STS: variants seen among roughly 807,000 people sequenced by gnomAD.
The protein encoded by STS is steroid sulfatase, also known as steryl-sulfatase.
A neutral mutation model predicts 26.8 loss-of-function variants in STS; 7 were observed. That is an observed-to-expected ratio of 0.26 (90% CI 0.15 to 0.49). STS has a LOEUF of 0.49. Ranked by LOEUF, STS falls within the 20% of genes least tolerant of loss-of-function variation. The pLI, the probability that STS is intolerant of heterozygous loss-of-function variation, is 0.98. For missense variants in STS, 434 were observed against 465.6 expected, an observed-to-expected ratio of 0.93 and a Z score of 0.63; for synonymous variants, 199 against 189.4, an observed-to-expected ratio of 1.05 and a Z score of -0.42.
At chrX:7,203,672 TC>T (rs1313216489) in intron 2 of STS, among the ~76,000 whole-genome samples, 3 of 111,858 alleles carry the variant, frequency 2.7e-5, no homozygotes, top group African/African-American at 9.8e-5. Context: ...GTAGTTCTGC[TC>T]CCTGCAAACT....
intron 8 of STS, among the ~76,000 whole-genome samples, chrX:7,306,123 C>T (rs890041852): frequency 1.5e-4 from 17 of 111,440 alleles, no homozygotes; most frequent in Non-Finnish European, 2.6e-4. Context: ...ATAGTGTATG[C>T]TCTGCCAATA....
At chrX:7,194,214 C>A (rs1299176665) in intron 2 of STS, among the ~76,000 whole-genome samples, 1 of 110,857 alleles carries the variant, frequency 9.0e-6, no homozygotes, top group Non-Finnish European at 1.9e-5. Flanking sequence ...TTGGCACCAT[C>A]AGCAAAGAAA....
intron 8 of STS, among the ~76,000 whole-genome samples, chrX:7,321,647 G>A (rs1927038134): frequency 8.9e-6 from 1 of 112,112 alleles, no homozygotes; most frequent in Admixed American, 9.4e-5. Flanking sequence ...TTTATTTCCA[G>A]TTGACTCACA....
chrX:7,252,837 G>A (rs1367498556), intron 2 of STS, among the ~76,000 whole-genome samples: 4 of 111,595 alleles, frequency 3.6e-5, no homozygotes, highest in Non-Finnish European at 5.6e-5. Context: ...GTTTTGAAAG[G>A]TTTCTGTGTT....
At chrX:7,248,513 T>C (rs1391302423) in intron 2 of STS, among the ~76,000 whole-genome samples, 1 of 111,999 alleles carries the variant, frequency 8.9e-6, no homozygotes, top group African/African-American at 3.2e-5. Flanking sequence ...ATGGTTGAGC[T>C]CCAAATCAAG....
rs1933334857 is a variant in STS, at chrX:7,165,655, A to G, written c.-134+17572A>G. On this transcript the variant is annotated intron_variant, in intron 1 of 10. Transcript: ENST00000674429. Reference sequence around the variant, plus strand: ...GTGAGATCCTGTCTCTAAAAATAAAATAATAATAAAATAAAAATAGTAATG... The same window carrying G: ...GTGAGATCCTGTCTCTAAAAATAAAGTAATAATAAAATAAAAATAGTAATG... Among the ~76,000 whole-genome samples, 5 of 111,259 alleles carry G rather than the reference A, an allele frequency of 4.5e-5. No individual in the cohort carries two copies. The Admixed American group carries it at 4.8e-4, about 11-fold the overall frequency.
intron 1 of STS, among the ~76,000 whole-genome samples, chrX:7,184,987 T>G (rs1403373669): frequency 8.9e-6 from 1 of 112,169 alleles, no homozygotes; most frequent in East Asian, 2.8e-4. Flanking sequence ...CTGTGACCTC[T>G]GGTTGCTTCG....
chrX:7,305,238 T>C, intron 8 of STS, 55 bp downstream of exon 8: 2 of 1,195,629 alleles, frequency 1.7e-6, no homozygotes, highest in Non-Finnish European at 2.3e-6. Flanking sequence ...CGCTGGTCAC[T>C]TTTTTCTTGA....
intron 7 of STS, among the ~76,000 whole-genome samples, chrX:7,304,779 C>G (rs1926134485): frequency 9.0e-6 from 1 of 111,543 alleles, no homozygotes; most frequent in African/African-American, 3.3e-5. Flanking sequence ...AATACTTTCT[C>G]AGGTCTCCCT....
At chrX:7,292,729 G>A (rs1473967219) in intron 7 of STS, among the ~76,000 whole-genome samples, 1 of 111,241 alleles carries the variant, frequency 9.0e-6, no homozygotes, top group Admixed American at 9.6e-5. Context: ...ATTTCCTGGA[G>A]GAAGGTCTTT....
intron 2 of STS, among the ~76,000 whole-genome samples, chrX:7,245,523 A>G (rs1298201405): frequency 8.0e-5 from 9 of 111,873 alleles, no homozygotes; most frequent in Admixed American, 3.8e-4. Context: ...CAGATTTACA[A>G]CCCTTCTCTG....
chrX:7,325,348 C>G lies in STS; in HGVS notation c.1091C>G (p.Ala364Gly). The change falls in exon 9 of 11, where the codon GCA becomes GGA. Residue 364 changes from alanine to glycine, a missense_variant. Coordinates refer to ENST00000674429, the MANE Select transcript of STS (RefSeq NM_001320752.2). Reference sequence around the variant, plus strand: ...TTTTTTGATCTTTTAGGAGGAAAAGCAAACAACTGGGAAGGAGGTATCCGG... The same window carrying G: ...TTTTTTGATCTTTTAGGAGGAAAAGGAAACAACTGGGAAGGAGGTATCCGG... ...GSNGIYKGGK[A>G]NNWEGGIRVP... 8.3e-7 allele frequency: 1 copy of G among 1,211,250 alleles called. No individual in the cohort carries two copies. The highest frequency in any genetic ancestry group is 1.7e-5 in the African/African-American group (1 of 57,757).
intron 7 of STS, among the ~76,000 whole-genome samples, chrX:7,302,713 T>G (rs1926025065): frequency 1.8e-5 from 2 of 112,220 alleles, no homozygotes; most frequent in South Asian, 7.4e-4. Context: ...CATGGGCATC[T>G]CACTCTGCAG....
At chrX:7,294,456 A>G (rs1444563502) in intron 7 of STS, among the ~76,000 whole-genome samples, 1 of 111,374 alleles carries the variant, frequency 9.0e-6, no homozygotes, top group African/African-American at 3.3e-5. Context: ...TAATAAAAGT[A>G]CATGAGAGCA....
intron 6 of STS, among the ~76,000 whole-genome samples, chrX:7,259,977 G>T (rs772460145): frequency 9.0e-6 from 1 of 111,340 alleles, no homozygotes; most frequent in Admixed American, 9.5e-5. Context: ...CCGAGTTCAC[G>T]CCATTCTCCT....
intron 1 of STS, among the ~76,000 whole-genome samples, chrX:7,182,764 C>T (rs1320315278): frequency 1.8e-5 from 2 of 111,109 alleles, no homozygotes; most frequent in Non-Finnish European, 3.8e-5. Context: ...AATCTGGAGA[C>T]CTCCATCAGT....
intron 2 of STS, chrX:7,219,561 A>C (rs1244584373): frequency 6.6e-6 from 8 of 1,205,076 alleles, no homozygotes; most frequent in Non-Finnish European, 9.0e-6. Context: ...TTCTCATGGG[A>C]ATATGCTTAT....
intron 1 of STS, among the ~76,000 whole-genome samples, chrX:7,152,234 G>A (rs762902481): frequency 8.9e-6 from 1 of 112,150 alleles, no homozygotes; most frequent in East Asian, 2.8e-4. Context: ...TTACAGGCGT[G>A]AGCCACCACG....
At chrX:7,325,137 T>A (rs766197783) in intron 8 of STS, among the ~76,000 whole-genome samples, 1 of 112,054 alleles carries the variant, frequency 8.9e-6, no homozygotes, top group Non-Finnish European at 1.9e-5. Flanking sequence ...GCTGACCATG[T>A]CACATATGGT....
Sources: allele counts gnomAD v4.1 joint callset (sites outside exome capture counted in the v4.1 genomes callset), GRCh38; gene constraint gnomAD v4.1.1; transcripts MANE v1.5; gene names NCBI Gene and HGNC (gene_info 2026-07-23, HGNC 2026-07-21).